The following SPPL2A variants were observed in gnomAD, a reference collection of about 807,000 sequenced individuals.
The protein encoded by SPPL2A is signal peptide peptidase like 2A, also known as signal peptide peptidase-like 2A.
A neutral mutation model predicts 63.8 loss-of-function variants in SPPL2A; 51 were observed. That is an observed-to-expected ratio of 0.80 (90% CI 0.64 to 1.01). The LOEUF is 1.01. Ranked by LOEUF, SPPL2A falls within the 50% of genes least tolerant of loss-of-function variation. SPPL2A has a pLI of 0.00. For synonymous variants in SPPL2A, 188 were observed against 205.8 expected (o/e 0.91, Z 0.74); for missense variants, 553 against 622.7 (o/e 0.89, Z 1.19).
At position 50,735,054 on chromosome 15, in the gene SPPL2A, G is replaced by A. The variant is rs568395993; in HGVS notation, c.932+1047C>T. Among the ~76,000 whole-genome samples, 4 of 152,022 alleles carry A rather than the reference G, an allele frequency of 2.6e-5. No homozygotes were observed. In the East Asian group the frequency reaches 5.8e-4, roughly 22 times the overall value. On this transcript the variant is annotated intron_variant, in intron 8 of 14. Coordinates refer to ENST00000261854, the MANE Select transcript of SPPL2A (RefSeq NM_032802.4). ...TGAGTAGCTGGGATTACAGGCGCAT[G>A]CCACCATGCCCGGCTAATTCTGTAT...
intron 14 of SPPL2A, among the ~76,000 whole-genome samples, chr15:50,717,337 G>T (rs1449988643): frequency 1.3e-5 from 2 of 152,004 alleles, no homozygotes; most frequent in African/African-American, 4.8e-5. Context: ...ACCACGCCCA[G>T]CAAATTTTTT....
In SPPL2A at chr15:50,710,913, T is replaced by C. The variant is rs375396575; in HGVS notation, c.1489-3039A>G. ...CCCATTGGATATTGCTGCACAAATT[T>C]AACTCCACTTATTTCATTACAGAAG... On this transcript the variant is annotated intron_variant, in intron 14 of 14. Transcript: ENST00000261854. Among the ~76,000 whole-genome samples, 6 of 152,314 alleles carry C rather than the reference T, an allele frequency of 3.9e-5. No individual in the cohort carries two copies. In the East Asian group the frequency reaches 5.8e-4, roughly 15 times the overall value.
At chr15:50,763,353 C>A (rs2063028460) in intron 1 of SPPL2A, among the ~76,000 whole-genome samples, 1 of 152,102 alleles carries the variant, frequency 6.6e-6, no homozygotes, top group South Asian at 2.1e-4. Context: ...GAAAACAAAT[C>A]CATAAAGAAA....
chr15:50,744,178 CAAA>C (rs1165647730), intron 5 of SPPL2A, among the ~76,000 whole-genome samples: 3 of 75,418 alleles, frequency 4.0e-5, no homozygotes, highest in African/African-American at 4.7e-5. Context: ...GACTCCATCT[CAAA>C]AAAAAAAAAA....
intron 1 of SPPL2A, among the ~76,000 whole-genome samples, chr15:50,754,672 T>C (rs922926843): frequency 6.6e-6 from 1 of 152,168 alleles, no homozygotes; most frequent in African/African-American, 2.4e-5. Flanking sequence ...AAAGACTTCC[T>C]AGCAAAAACT....
chr15:50,719,905 T>G, intron 14 of SPPL2A, 35 bp downstream of exon 14: 1 of 775,696 alleles, frequency 1.3e-6, no homozygotes, highest in Non-Finnish European at 1.8e-6. Context: ...AATTAAGCCA[T>G]AAGATAACTT....
At chr15:50,764,039 T>C (rs2141068086) in intron 1 of SPPL2A, among the ~76,000 whole-genome samples, 1 of 152,356 alleles carries the variant, frequency 6.6e-6, no homozygotes, top group Non-Finnish European at 1.5e-5. Flanking sequence ...TAGAGTTTTC[T>C]GGTGAGAGGG....
At position 50,739,703 on chromosome 15, in the gene SPPL2A, A is replaced by C. The variant is rs761375991; in HGVS notation, c.710T>G (p.Leu237Arg). The C allele has an allele frequency of 1.3e-6, 2 of 1,592,100 alleles. No homozygotes were observed. Among genetic ancestry groups the C allele is most frequent in the Admixed American group, 1.8e-5 (1 of 54,662 alleles). Residue 237 changes from leucine (L) to arginine (R), a missense_variant, in exon 6 of 15, where the codon CTT (leucine) becomes CGT (arginine). Transcript: ENST00000261854. ...VVICCVMMVLLYFFYKWLVYV... is the reference protein window; with the variant it reads ...VVICCVMMVLRYFFYKWLVYV... ...ACCCAACCATTTGTAGAAGAAATAA[A>C]GTAAGACCATCATAACACAGCAGAT...
intron 14 of SPPL2A, among the ~76,000 whole-genome samples, chr15:50,718,999 T>G (rs953075600): frequency 2.0e-5 from 3 of 152,104 alleles, no homozygotes; most frequent in Non-Finnish European, 4.4e-5. Flanking sequence ...GGCCCTGACC[T>G]CAATAGGCTA....
chr15:50,749,007 T>C (rs897512035), intron 2 of SPPL2A, 137 bp from the exon 3 acceptor site: 1 of 495,198 alleles, frequency 2.0e-6, no homozygotes, highest in African/African-American at 2.0e-5. Context: ...AGGCTTAGAA[T>C]TAAGTATTTT....
chr15:50,738,132 C>A (rs1196935582), intron 6 of SPPL2A, among the ~76,000 whole-genome samples: 2 of 152,026 alleles, frequency 1.3e-5, no homozygotes, highest in African/African-American at 2.4e-5. Context: ...TGCAGTGAAC[C>A]CAGATTGTGC....
chr15:50,718,964 G>A (rs547480125), intron 14 of SPPL2A, among the ~76,000 whole-genome samples: 78 of 152,168 alleles, frequency 5.1e-4, no homozygotes, highest in Non-Finnish European at 9.6e-4. Context: ...CTCACAAAGT[G>A]CCTTCATGAA....
chr15:50,744,638 T>G (rs1156710204), intron 5 of SPPL2A, among the ~76,000 whole-genome samples: 1 of 152,226 alleles, frequency 6.6e-6, no homozygotes, highest in Non-Finnish European at 1.5e-5. Context: ...ATTTCTATAT[T>G]TAAATTAAAA....
intron 6 of SPPL2A, 103 bp downstream of exon 6, chr15:50,739,577 T>C: frequency 1.3e-6 from 1 of 777,824 alleles, no homozygotes; most frequent in Non-Finnish European, 1.9e-6. Context: ...ATTATTCACA[T>C]ACGTTTTCCA....
At chr15:50,711,022 T>C (rs72740496) in intron 14 of SPPL2A, among the ~76,000 whole-genome samples, 4,344 of 152,210 alleles carry the variant, frequency 0.029, 78 homozygotes, top group Middle Eastern at 0.1. Context: ...TTTTCTCTTC[T>C]GAGAAAAAAG....
intron 5 of SPPL2A, among the ~76,000 whole-genome samples, chr15:50,741,034 CTTTA>C (rs2062816079): frequency 6.6e-6 from 1 of 152,122 alleles, no homozygotes; most frequent in African/African-American, 2.4e-5. Flanking sequence ...TTTGTCCTAC[CTTTA>C]TTTAAGATAA....
At chr15:50,753,719 G>T (rs1439512834) in intron 1 of SPPL2A, among the ~76,000 whole-genome samples, 1 of 152,186 alleles carries the variant, frequency 6.6e-6, no homozygotes, top group Non-Finnish European at 1.5e-5. Flanking sequence ...TTAATGGTTG[G>T]AAGATTAGTG....
intron 7 of SPPL2A, 84 bp downstream of exon 7, chr15:50,736,560 T>C (rs1438588911): frequency 6.6e-6 from 5 of 761,214 alleles, no homozygotes; most frequent in Non-Finnish European, 8.9e-6. Flanking sequence ...TTGGACTATA[T>C]AGGTTTCAAA....
intron 10 of SPPL2A, among the ~76,000 whole-genome samples, chr15:50,729,988 C>T (rs920972286): frequency 9.3e-5 from 8 of 86,276 alleles, no homozygotes; most frequent in African/African-American, 1.7e-4. Context: ...CCTCAAGACT[C>T]GGCCTTTTAA....
Sources: gnomAD v4.1 joint callset for allele counts (sites outside exome capture counted in the v4.1 genomes callset) on GRCh38, gnomAD v4.1.1 for gene constraint, MANE v1.5 for transcripts, NCBI Gene and HGNC (gene_info 2026-07-23, HGNC 2026-07-21) for gene names.